Variants in KIF15 observed in about 807,000 individuals in gnomAD.
The protein encoded by KIF15 is kinesin-like protein KIF15.
In KIF15, 140 loss-of-function variants were observed where a neutral mutation model predicts 190.6. That is an observed-to-expected ratio of 0.73 (90% CI 0.64 to 0.84). The LOEUF is 0.84. Ranked by LOEUF, KIF15 falls within the 40% of genes least tolerant of loss-of-function variation. The pLI is 0.00. For missense variants in KIF15, 1,372 were observed against 1,584.4 expected (o/e 0.87, Z 2.28); for synonymous variants, 528 against 551.3 (o/e 0.96, Z 0.59).
At chr3:44,803,151 ACTTTT>A (rs1054509177) in intron 14 of KIF15, among the ~76,000 whole-genome samples, 160 bp downstream of exon 14, 20 of 152,320 alleles carry the variant, frequency 1.3e-4, no homozygotes, top group African/African-American at 4.8e-4. Context: ...TATTTACTAA[ACTTTT>A]CTTTTTCTCA....
intron 23 of KIF15, among the ~76,000 whole-genome samples, chr3:44,827,733 A>G (rs1396716152): frequency 6.6e-6 from 1 of 152,118 alleles, no homozygotes; most frequent in East Asian, 1.9e-4. Context: ...CCCAGGCTGC[A>G]GTGCAGTGGC....
chr3:44,859,393 G>A (rs561872396), intron 6 of KIF15, among the ~76,000 whole-genome samples: 42 of 152,246 alleles, frequency 2.8e-4, no homozygotes, highest in African/African-American at 7.5e-4. Flanking sequence ...GCTTGGGTGC[G>A]GTGGCTCATG....
chr3:44,761,830 G>A lies in KIF15; in HGVS notation c.-36G>A. The A allele has an allele frequency of 6.2e-7, 1 of 1,614,124 alleles. No individual in the cohort carries two copies. Among genetic ancestry groups the A allele is most frequent in the Non-Finnish European group, 8.5e-7 (1 of 1,179,976 alleles). On this transcript the variant is annotated 5_prime_UTR_variant, in exon 1 of 35. Coordinates refer to ENST00000326047, the MANE Select transcript of KIF15 (RefSeq NM_020242.3). ...GTGCAGTCGGGAGGTGGAGGCACCGGCTGCATTGTTTTCGGGATCGAGGGG... is the reference window on the plus strand; with the variant it reads ...GTGCAGTCGGGAGGTGGAGGCACCGACTGCATTGTTTTCGGGATCGAGGGG...
At chr3:44,826,499 A>G (rs1394593735) in intron 22 of KIF15, 39 bp downstream of exon 22, 1 of 1,303,120 alleles carries the variant, frequency 7.7e-7, no homozygotes, top group South Asian at 1.3e-5. Context: ...ATACTAGAAT[A>G]TTGTTTAATA....
At chr3:44,858,587 T>C (rs1699210582) in intron 6 of KIF15, among the ~76,000 whole-genome samples, 1 of 151,818 alleles carries the variant, frequency 6.6e-6, no homozygotes, top group Admixed American at 6.6e-5. Flanking sequence ...AGGGTGGCAA[T>C]GAGATGTGGC....
At chr3:44,793,494 G>A (rs11710692) in intron 7 of KIF15, among the ~76,000 whole-genome samples, 22,451 of 152,086 alleles carry the variant, frequency 0.15, 2,333 homozygotes, top group Non-Finnish European at 0.21. Context: ...GATCCTATGC[G>A]CTCTGATTTC....
chr3:44,796,587 A>G (rs1260213428), intron 8 of KIF15, among the ~76,000 whole-genome samples: 1 of 152,224 alleles, frequency 6.6e-6, no homozygotes, highest in African/African-American at 2.4e-5. Flanking sequence ...GATTTACTGA[A>G]TGATAACAGC....
At chr3:44,800,036 C>A (rs1707190899) in intron 10 of KIF15, among the ~76,000 whole-genome samples, 1 of 152,068 alleles carries the variant, frequency 6.6e-6, no homozygotes, top group Non-Finnish European at 1.5e-5. Flanking sequence ...ACACCCGGAT[C>A]CTAAGGGTGA....
At chr3:44,797,487 C>T (rs560096998) in intron 8 of KIF15, 64 bp from the exon 9 acceptor site, 247 of 1,543,760 alleles carry the variant, frequency 1.6e-4, no homozygotes, top group Non-Finnish European at 2.1e-4. Flanking sequence ...GATATATTTT[C>T]ATTCAAAATA....
At chr3:44,836,693 T>G (rs1362137910) in intron 26 of KIF15, among the ~76,000 whole-genome samples, 2 of 152,110 alleles carry the variant, frequency 1.3e-5, no homozygotes, top group African/African-American at 4.8e-5. Flanking sequence ...ACATTAGGAG[T>G]TCAGCCTAGG....
At chr3:44,815,168 A>G in intron 20 of KIF15, 92 bp downstream of exon 20, 1 of 1,089,386 alleles carries the variant, frequency 9.2e-7, no homozygotes, top group Non-Finnish European at 1.3e-6. Context: ...AACTCAAAGC[A>G]GTTAGACAAA....
chr3:44,820,989 C>G lies in KIF15; in HGVS notation c.2550-5050C>G, dbSNP rs1423700798. ...CTGGCCGGGCAGGGGGCTGACCCCC[C>G]CACCTCCCTCCCGGACGGGGCGGCT... On this transcript the variant is annotated intron_variant, in intron 20 of 34. Transcript: ENST00000326047. Among the ~76,000 whole-genome samples, 3 of 148,030 alleles carry G rather than the reference C, an allele frequency of 2.0e-5. 1 individual carries two copies. Among genetic ancestry groups the G allele is most frequent in the African/African-American group, 5.0e-5 (2 of 40,024 alleles).
chr3:44,767,500 T>C (rs930794722), intron 1 of KIF15, among the ~76,000 whole-genome samples: 9 of 152,210 alleles, frequency 5.9e-5, no homozygotes, highest in African/African-American at 1.7e-4. Context: ...ACATTTGGGC[T>C]AGAGGTGGGG....
At chr3:44,775,700 C>T (rs922557202) in intron 3 of KIF15, among the ~76,000 whole-genome samples, 6 of 151,804 alleles carry the variant, frequency 4.0e-5, no homozygotes, top group South Asian at 4.2e-4. Context: ...GTGATCTGCC[C>T]GCCTCAGCCT....
Position 44,841,558 on chromosome 3 carries a change from C to T in KIF15, c.3585+320C>T, listed in dbSNP as rs529934904. On this transcript the variant is annotated intron_variant, in intron 29 of 34. Coordinates refer to ENST00000326047, the MANE Select transcript of KIF15 (RefSeq NM_020242.3). ...GACTACAGGCGCCCGCCACCACACT[C>T]GGCTAATTTTTTGTATTTTCTAGTA... 2.0e-3 allele frequency among the ~76,000 whole-genome samples: 300 copies of T among 152,038 alleles called. 1 individual carries two copies. The highest frequency in any genetic ancestry group is 3.4e-3 in the Non-Finnish European group (231 of 67,982).
intron 14 of KIF15, among the ~76,000 whole-genome samples, chr3:44,804,523 T>C (rs1158275528): frequency 1.3e-5 from 2 of 152,242 alleles, no homozygotes; most frequent in Non-Finnish European, 2.9e-5. Context: ...GGCTGCTGTT[T>C]CTCTGTCTAG....
intron 4 of KIF15, among the ~76,000 whole-genome samples, chr3:44,778,504 C>G (rs1008414869): frequency 6.6e-6 from 1 of 152,140 alleles, no homozygotes; most frequent in South Asian, 2.1e-4. Context: ...AACTCTTTGA[C>G]TCTTCTTCCT....
chr3:44,777,206 T>C (rs1157815793), intron 3 of KIF15, among the ~76,000 whole-genome samples: 1 of 152,028 alleles, frequency 6.6e-6, no homozygotes, highest in Non-Finnish European at 1.5e-5. Flanking sequence ...CTATGTTCCC[T>C]AGGCTGGTCT....
rs1349003409 is a variant in KIF15, at chr3:44,813,152, G to C, written c.2355G>C (p.Gln785His). The C allele has an allele frequency of 6.2e-7, 1 of 1,601,162 alleles. No homozygotes were observed. The change falls in exon 19 of 35, where the codon CAG becomes CAC. Residue 785 changes from glutamine (Q) to histidine (H), a missense_variant. Physicochemically the swap from Gln to His is conservative, Grantham distance 24. Coordinates refer to ENST00000326047, the MANE Select transcript of KIF15 (RefSeq NM_020242.3). ...LLSQLNVLEK[Q>H]LQETQTKNDF... ...CACAGTTGAATGTCCTTGAAAAGCAGCTTCAAGAGACTCAAACTAAAAATG... is the reference window on the plus strand; with the variant it reads ...CACAGTTGAATGTCCTTGAAAAGCACCTTCAAGAGACTCAAACTAAAAATG...
Sources: allele counts gnomAD v4.1 joint callset (sites outside exome capture counted in the v4.1 genomes callset), GRCh38; gene constraint gnomAD v4.1.1; transcripts MANE v1.5; gene names NCBI Gene and HGNC (gene_info 2026-07-23, HGNC 2026-07-21).